MAD1L1: variants seen among roughly 807,000 people sequenced by gnomAD.
MAD1L1 encodes the protein mitotic spindle assembly checkpoint protein MAD1.
MAD1L1 carries 95 observed loss-of-function variants against 96.9 expected under a neutral mutation model. That is an observed-to-expected ratio of 0.98 (90% confidence interval 0.83 to 1.16). The LOEUF (loss-of-function observed/expected upper bound fraction) is 1.16. MAD1L1 is among the 50% of genes most tolerant of loss of function. The pLI is 0.00. For missense variants in MAD1L1, 1,007 were observed against 954.4 expected (o/e 1.06, Z -0.73); for synonymous variants, 473 against 396.6 (o/e 1.19, Z -2.29).
chr7:1,853,747 C>T (rs574249383), intron 18 of MAD1L1, among the ~76,000 whole-genome samples: 4 of 152,094 alleles, frequency 2.6e-5, no homozygotes, highest in East Asian at 1.9e-4. Context: ...CGCCCAATGA[C>T]AGGAGGCAGC....
intron 10 of MAD1L1, among the ~76,000 whole-genome samples, chr7:2,192,372 T>C (rs1364653458): frequency 6.6e-6 from 1 of 152,170 alleles, no homozygotes; most frequent in Non-Finnish European, 1.5e-5. Context: ...CCTCAGGTGA[T>C]CCACCCACCT....
rs1004962663 is a variant in MAD1L1 at position 2,219,298 on chromosome 7, C to T, written c.596+34G>A. ...TGGGACGCATGCCCCCACACGTGAC[C>T]CGACCCCCGACCCCACACCCTGGCC... On this transcript the variant is annotated intron_variant, in intron 6 of 18. Coordinates refer to ENST00000265854, the MANE Select transcript of MAD1L1 (RefSeq NM_001013836.2). 3.9e-6 allele frequency: 6 copies of T among 1,534,232 alleles called. No individual in the cohort carries two copies. In the African/African-American group the frequency reaches 6.9e-5, roughly 18 times the overall value.
At chr7:2,012,489 G>A (rs1319434495) in intron 13 of MAD1L1, among the ~76,000 whole-genome samples, 5 of 152,228 alleles carry the variant, frequency 3.3e-5, no homozygotes, top group South Asian at 2.1e-4. Context: ...AGGTACAGCC[G>A]GAGCTAGCCT....
At chr7:1,969,769 C>A (rs1037538369) in intron 15 of MAD1L1, among the ~76,000 whole-genome samples, 6 of 152,170 alleles carry the variant, frequency 3.9e-5, no homozygotes, top group Admixed American at 3.9e-4. Context: ...CCATTCATAA[C>A]AGCATCAAAA....
intron 17 of MAD1L1, among the ~76,000 whole-genome samples, chr7:1,911,943 G>A (rs1207795588): frequency 1.3e-5 from 2 of 152,252 alleles, no homozygotes. Context: ...GGCCTCACCT[G>A]TCCAACCCGC....
At position 1,828,073 on chromosome 7, in the gene MAD1L1, GTC is replaced by G. The variant is rs1381916589; in HGVS notation, c.1999-11847_1999-11846del. On this transcript the variant is annotated intron_variant, in intron 18 of 18. Transcript: ENST00000265854. ...TGTGGGCCCCGGGGCCCATCAGTTT[GTC>G]TCTCTGAGCTGAAGTTTCCTGAATG... 3.3e-5 allele frequency among the ~76,000 whole-genome samples: 5 copies of G among 151,938 alleles called. 1 individual carries two copies. The highest frequency in any genetic ancestry group is 7.4e-5 in the Non-Finnish European group (5 of 67,948).
intron 18 of MAD1L1, among the ~76,000 whole-genome samples, chr7:1,889,758 G>A (rs1457673910): frequency 6.6e-6 from 1 of 152,202 alleles, no homozygotes; most frequent in Non-Finnish European, 1.5e-5. Context: ...AGCTGAGCCT[G>A]CCATGTTTGT....
intron 17 of MAD1L1, among the ~76,000 whole-genome samples, chr7:1,913,283 G>A (rs2128451545): frequency 6.6e-6 from 1 of 151,932 alleles, no homozygotes; most frequent in East Asian, 2.0e-4. Flanking sequence ...GAGGGGCAAG[G>A]AGCAGGGTTC....
intron 17 of MAD1L1, among the ~76,000 whole-genome samples, chr7:1,932,565 A>G (rs1789543089): frequency 6.6e-6 from 1 of 152,244 alleles, no homozygotes; most frequent in Non-Finnish European, 1.5e-5. Context: ...TGCTGCTAGG[A>G]AACGCTAGAT....
chr7:2,076,617 C>G (rs1444662222), intron 11 of MAD1L1, among the ~76,000 whole-genome samples: 3 of 152,260 alleles, frequency 2.0e-5, no homozygotes, highest in Admixed American at 2.0e-4. Flanking sequence ...CTGATGACTG[C>G]CCCAACACAG....
intron 11 of MAD1L1, among the ~76,000 whole-genome samples, chr7:2,112,420 A>G (rs1787428810): frequency 1.3e-5 from 2 of 152,234 alleles, no homozygotes; most frequent in South Asian, 4.1e-4. Context: ...AACGGCACCC[A>G]CGGTGCTGAG....
chr7:1,946,566 A>G (rs953486752), intron 16 of MAD1L1, among the ~76,000 whole-genome samples: 2 of 152,258 alleles, frequency 1.3e-5, no homozygotes, highest in African/African-American at 2.4e-5. Context: ...GCGATGGTGC[A>G]ATCATTGACT....
intron 12 of MAD1L1, among the ~76,000 whole-genome samples, chr7:2,035,310 G>A (rs906691840): frequency 3.4e-5 from 5 of 146,452 alleles, no homozygotes; most frequent in South Asian, 2.2e-4. Flanking sequence ...AGGCATGAGC[G>A]CAGGAGCACT....
In MAD1L1 at chr7:1,827,613, C is replaced by A; in HGVS notation, c.1999-11385G>T. Among the ~76,000 whole-genome samples the A allele has an allele frequency of 2.6e-5, 3 of 115,614 alleles. 1 individual carries two copies. Among genetic ancestry groups the A allele is most frequent in the Admixed American group, 2.4e-4 (3 of 12,702 alleles). The allele number at this position is 115,614 out of a possible 152,430, so 75.8% of individuals were successfully genotyped here. A position where few individuals can be genotyped will look rare whatever the true frequency, so the allele number is the denominator to read the frequency against. On this transcript the variant is annotated intron_variant, in intron 18 of 18. Transcript: ENST00000265854. Reference sequence around the variant, plus strand: ...CTGAGCCCGTCCCGGGTGTGGGGTCCTCCCCTCCTGAGCCCCGCCCGGGTG... The same window carrying A: ...CTGAGCCCGTCCCGGGTGTGGGGTCATCCCCTCCTGAGCCCCGCCCGGGTG...
At position 2,142,081 on chromosome 7, in the gene MAD1L1, T is replaced by C. The variant is rs1216028099; in HGVS notation, c.1073+7071A>G. ...ACTGAGGGGTCCATGTTCAAGTGCA[T>C]GGTGCCAGACCCCAGGCACAGGGAT... is the stretch of plus-strand genomic sequence containing the variant. On this transcript the variant is annotated intron_variant, in intron 11 of 18. Coordinates refer to ENST00000265854, the MANE Select transcript of MAD1L1 (RefSeq NM_001013836.2). The surrounding 1 kb of genome is among the most constrained non-coding windows in gnomAD (Gnocchi z 4.7). Among the ~76,000 whole-genome samples the C allele has an allele frequency of 3.3e-5, 5 of 152,176 alleles. No homozygotes were observed. The highest frequency in any genetic ancestry group is 6.5e-5 in the Admixed American group (1 of 15,286).
rs1348167573 is a variant in MAD1L1 at position 1,957,717 on chromosome 7, A to T, written c.1508T>A (p.Leu503Ter). The T allele has an allele frequency of 6.2e-6, 10 of 1,613,948 alleles. No individual in the cohort carries two copies. The highest frequency in any genetic ancestry group is 1.7e-5 in the Admixed American group (1 of 60,006). ...FSREEADTLR[L>*]KVEELEGERS... ...CTCGCCTTCCAGCTCCTCGACCTTC[A>T]ACCTGCAAGGACAGCAAGACGGTGA... The change falls in exon 16 of 19, where the codon TTG becomes TAG. Residue 503 changes from leucine (L) to a stop codon, truncating the protein, a stop_gained and splice_region_variant. Coordinates refer to ENST00000265854, the MANE Select transcript of MAD1L1 (RefSeq NM_001013836.2). LOFTEE classifies it high-confidence loss of function.
intron 15 of MAD1L1, among the ~76,000 whole-genome samples, chr7:1,969,170 G>C (rs953406381): frequency 6.6e-6 from 1 of 152,154 alleles, no homozygotes; most frequent in African/African-American, 2.4e-5. Context: ...GATCACCTGA[G>C]GTCAGCAGTT....
intron 7 of MAD1L1, 89 bp downstream of exon 7, chr7:2,217,873 C>A (rs1793376120): frequency 3.6e-6 from 4 of 1,105,786 alleles, no homozygotes; most frequent in Non-Finnish European, 4.2e-6. Flanking sequence ...GACCACGGAG[C>A]TCGGCACCAG....
rs776142499 is a variant in MAD1L1, at chr7:2,069,183, G to C, written c.1218+11C>G. On this transcript the variant is annotated intron_variant, in intron 12 of 18. Coordinates refer to ENST00000265854, the MANE Select transcript of MAD1L1 (RefSeq NM_001013836.2). The stretch of plus-strand genomic sequence containing the variant: ...CTGCGACTCTGATCAAGATGTAAGG[G>C]CATACATCACCTTGGTGAGCAGCAG... 5 of 1,578,722 alleles carry C rather than the reference G, an allele frequency of 3.2e-6. No individual in the cohort carries two copies. Among genetic ancestry groups the C allele is most frequent in the Admixed American group, 3.6e-5 (2 of 56,038 alleles).
Sources: gnomAD v4.1 joint callset for allele counts (sites outside exome capture counted in the v4.1 genomes callset) on GRCh38, gnomAD v4.1.1 for gene constraint, Gnocchi (gnomAD v3.1) non-coding constraint, MANE v1.5 for transcripts, NCBI Gene and HGNC (gene_info 2026-07-23, HGNC 2026-07-21) for gene names.